Variants in BRWD1 observed in about 807,000 individuals in gnomAD.
The protein encoded by BRWD1 is bromodomain and WD repeat-containing protein 1.
Under a neutral mutation model 251.2 loss-of-function variants are expected in BRWD1, and 82 were observed. That is an observed-to-expected ratio of 0.33 (90% confidence interval 0.27 to 0.39). The LOEUF (loss-of-function observed/expected upper bound fraction) is 0.39. BRWD1 is among the 10% of genes least tolerant of loss of function. BRWD1 has a pLI of 1.00. For missense variants in BRWD1, 2,233 were observed against 2,711.6 expected (o/e 0.82, Z 3.92); for synonymous variants, 918 against 902.8 (o/e 1.02, Z -0.30).
chr21:39,236,623 C>T lies in BRWD1; in HGVS notation c.2738G>A (p.Arg913Lys), dbSNP rs926607313. The change falls in exon 23 of 41, where the codon AGA (arginine) becomes AAA (lysine). Residue 913 changes from arginine (R) to lysine (K), a missense_variant. Physicochemically the swap from Arg to Lys is conservative, Grantham distance 26. Coordinates refer to ENST00000342449, the MANE Select transcript of BRWD1 (RefSeq NM_033656.4). ...NLSPPKRRRK[R>K]KKENKPKKEN... ...CTTCTTAGGCTTATTTTCTTTCTTTCTCTTTCGTCTTCTTTTTGGAGGAGA... is the reference window on the plus strand; with the variant it reads ...CTTCTTAGGCTTATTTTCTTTCTTTTTCTTTCGTCTTCTTTTTGGAGGAGA... The T allele has an allele frequency of 3.1e-6, 5 of 1,608,102 alleles. No individual in the cohort carries two copies. The African/African-American group carries it at 6.7e-5, about 22-fold the overall frequency.
chr21:39,209,367 T>C (rs7276046), intron 36 of BRWD1, among the ~76,000 whole-genome samples: 76,725 of 151,490 alleles, frequency 0.51, 19,775 homozygotes, highest in African/African-American at 0.58. Context: ...CCTGTCTCCT[T>C]AGGAGTCAAC....
At chr21:39,304,894 T>C (rs1024103799) in intron 4 of BRWD1, among the ~76,000 whole-genome samples, 1 of 151,386 alleles carries the variant, frequency 6.6e-6, no homozygotes, top group Admixed American at 6.6e-5. Flanking sequence ...TAAATTTGAA[T>C]GTACCTAATA....
intron 29 of BRWD1, among the ~76,000 whole-genome samples, chr21:39,221,897 T>A: frequency 6.8e-6 from 1 of 147,154 alleles, no homozygotes; most frequent in Non-Finnish European, 1.5e-5. Flanking sequence ...AGGGAGACTG[T>A]CTCAAAAAAA....
In BRWD1 at chr21:39,190,428, A is replaced by C. The variant is rs1248357739; in HGVS notation, c.*5831T>G. ...AGAATGTCTGACTCAAAATGAAAAC[A>C]TACTAGCCTCTTTCATAAACTCCTA... On this transcript the variant is annotated 3_prime_UTR_variant, in exon 41 of 41. Transcript: ENST00000342449. The C allele has an allele frequency of 2.0e-6, 2 of 985,278 alleles. No individual in the cohort carries two copies. The highest frequency in any genetic ancestry group is 3.5e-5 in the African/African-American group (2 of 57,238). 61.0% of individuals were successfully genotyped at this position (985,278 alleles called of 1,614,324 possible).
At chr21:39,312,974 C>CCGGGGGA (rs1478931572) in intron 3 of BRWD1, 74 bp from the exon 4 acceptor site, 1 of 400,784 alleles carries the variant, frequency 2.5e-6, no homozygotes, top group African/African-American at 2.8e-5. Flanking sequence ...GGGCCGGGGG[C>CCGGGGGA]GGGCGGCGGG....
intron 4 of BRWD1, among the ~76,000 whole-genome samples, chr21:39,307,123 G>C (rs1050501328): frequency 1.3e-5 from 2 of 152,190 alleles, no homozygotes; most frequent in Non-Finnish European, 2.9e-5. Context: ...TAAAGTGCTG[G>C]GATGACAGGT....
In BRWD1 at chr21:39,190,368, A is replaced by G. The variant is rs1002218366; in HGVS notation, c.*5891T>C. 6 of 985,178 alleles carry G rather than the reference A, an allele frequency of 6.1e-6. No individual in the cohort carries two copies. The highest frequency in any genetic ancestry group is 7.2e-6 in the Non-Finnish European group (6 of 829,826). 61.0% of individuals were successfully genotyped at this position (985,178 alleles called of 1,614,324 possible). On this transcript the variant is annotated 3_prime_UTR_variant, in exon 41 of 41. Transcript: ENST00000342449. ...TAAAATTTTCATTGGCATTTTTAAA[A>G]TTGGAGCATTTAAAACAGATTTGAG...
rs186070710 is a variant in BRWD1, at chr21:39,195,869, T to C, written c.*390A>G. 5.7e-4 allele frequency: 564 copies of C among 994,828 alleles called. No homozygotes were observed. The African/African-American group carries it at 8.9e-3, about 16-fold the overall frequency. The allele number at this position is 994,828 out of a possible 1,614,324, so 61.6% of individuals were successfully genotyped here. On this transcript the variant is annotated 3_prime_UTR_variant, in exon 41 of 41. Coordinates refer to ENST00000342449, the MANE Select transcript of BRWD1 (RefSeq NM_033656.4). ...GGTTGTGAAATTGTTGTAACTACTATAGAACAGGGGTTAGAAACTACTGCC... is the reference window on the plus strand; with the variant it reads ...GGTTGTGAAATTGTTGTAACTACTACAGAACAGGGGTTAGAAACTACTGCC...
In BRWD1 at chr21:39,313,589, G is replaced by T; in HGVS notation, c.-98C>A. On this transcript the variant is annotated 5_prime_UTR_variant, in exon 1 of 41. Transcript: ENST00000342449. ...GCTGGCGTCCCCTCTTCTCAGGCGC[G>T]CGCCGCCGCCGCCGCCGCCGCCGCC... 1 of 650,034 alleles carries T rather than the reference G, an allele frequency of 1.5e-6. No homozygotes were observed. The highest frequency in any genetic ancestry group is 2.2e-6 in the Non-Finnish European group (1 of 462,362). 40.3% of individuals were successfully genotyped at this position (650,034 alleles called of 1,614,324 possible). A position where few individuals can be genotyped will look rare whatever the true frequency, so the allele number is the denominator to read the frequency against.
intron 4 of BRWD1, among the ~76,000 whole-genome samples, chr21:39,300,766 A>G (rs1377054159): frequency 6.6e-6 from 1 of 152,242 alleles, no homozygotes; most frequent in Non-Finnish European, 1.5e-5. Flanking sequence ...AAGCAGACCT[A>G]GAGATGGCCC....
chr21:39,281,879 AAT>A (rs1555874373), intron 8 of BRWD1, among the ~76,000 whole-genome samples: 2 of 83,162 alleles, frequency 2.4e-5, no homozygotes, highest in African/African-American at 4.7e-5. Flanking sequence ...TACCAAAAAA[AAT>A]ATATATATAT....
At position 39,202,594 on chromosome 21, in the gene BRWD1, A is replaced by G. The variant is rs766464988; in HGVS notation, c.4365-49T>C. The G allele has an allele frequency of 1.6e-5, 22 of 1,341,064 alleles. No individual in the cohort carries two copies. In the African/African-American group the frequency reaches 3.2e-4, roughly 20 times the overall value. 83.1% of individuals were successfully genotyped at this position (1,341,064 alleles called of 1,614,324 possible). A position where few individuals can be genotyped will look rare whatever the true frequency, so the allele number is the denominator to read the frequency against. On this transcript the variant is annotated intron_variant, in intron 37 of 40. Transcript: ENST00000342449. ...AAACAGTATTTAACAAAATACAAAG[A>G]TAATTGGTTCACAGAGAATGACTAA...
chr21:39,228,828 T>C (rs888913979), intron 26 of BRWD1, among the ~76,000 whole-genome samples: 8 of 152,192 alleles, frequency 5.3e-5, no homozygotes, highest in African/African-American at 1.9e-4. Context: ...CTCTTCAAAA[T>C]GCAGTGTGTA....
intron 5 of BRWD1, chr21:39,297,281 A>G (rs1428474288): frequency 5.1e-6 from 5 of 985,332 alleles, no homozygotes; most frequent in Non-Finnish European, 4.8e-6. Flanking sequence ...TAACAGACAT[A>G]TTGCATTTTA....
chr21:39,256,569 T>C (rs1015045775), intron 18 of BRWD1, among the ~76,000 whole-genome samples: 1 of 152,126 alleles, frequency 6.6e-6, no homozygotes, highest in African/African-American at 2.4e-5. Flanking sequence ...AAGGTGGGTA[T>C]AGGAGGCTGC....
Position 39,298,530 on chromosome 21 carries a change from C to T in BRWD1, c.251G>A (p.Arg84His), listed in dbSNP as rs199917402. The T allele has an allele frequency of 3.7e-6, 6 of 1,608,908 alleles. No individual in the cohort carries two copies. Among genetic ancestry groups the T allele is most frequent in the South Asian group, 1.1e-5 (1 of 90,036 alleles). Residue 84 changes from arginine (R) to histidine (H), a missense_variant, in exon 5 of 41, where the codon CGC (arginine) becomes CAC (histidine). Around this residue, in one of 12 missense-constraint regions of BRWD1, gnomAD observed 185 missense variants for 260.6 expected, o/e 0.71. Coordinates refer to ENST00000342449, the MANE Select transcript of BRWD1 (RefSeq NM_033656.4). The part of the protein sequence containing the change: ...APDHLLQICQ[R>H]IGPMLDKEIP... The stretch of plus-strand genomic sequence containing the variant: ...TTCTTTATCCAACATAGGACCGATG[C>T]GCTGGCAGATTTGCAAAAGATGATC...
intron 15 of BRWD1, among the ~76,000 whole-genome samples, chr21:39,268,579 A>T (rs560766077): frequency 1.4e-4 from 21 of 152,334 alleles, no homozygotes; most frequent in South Asian, 4.1e-4. Context: ...AATCATGAAA[A>T]AATATCAGAC....
chr21:39,303,258 C>G (rs946725055), intron 4 of BRWD1, among the ~76,000 whole-genome samples: 6 of 151,990 alleles, frequency 3.9e-5, no homozygotes, highest in African/African-American at 1.4e-4. Flanking sequence ...GTGACTCACA[C>G]CTGTAATCCC....
Position 39,313,171 on chromosome 21 carries a change from C to T in BRWD1, c.108+70G>A, listed in dbSNP as rs1286386639. 60 of 1,496,588 alleles carry T rather than the reference C, an allele frequency of 4.0e-5. 1 individual carries two copies. In the South Asian group the frequency reaches 7.4e-4, roughly 18 times the overall value. 92.7% of individuals were successfully genotyped at this position (1,496,588 alleles called of 1,614,324 possible). ...GCGCTCCCGTTTCACCCCCGCCCAC[C>T]ACCCGCGACCCCCGGCGGCGGGGAC... On this transcript the variant is annotated intron_variant, in intron 2 of 40. Coordinates refer to ENST00000342449, the MANE Select transcript of BRWD1 (RefSeq NM_033656.4).
Sources: allele counts gnomAD v4.1 joint callset (sites outside exome capture counted in the v4.1 genomes callset), GRCh38; gene constraint gnomAD v4.1.1; regional missense constraint gnomAD v4.1.1; transcripts MANE v1.5; gene names NCBI Gene and HGNC (gene_info 2026-07-23, HGNC 2026-07-21).